C10orf90: variants seen among roughly 807,000 people sequenced by gnomAD.
C10orf90 encodes (E2-independent) E3 ubiquitin-conjugating enzyme FATS.
C10orf90 carries 56 observed loss-of-function variants against 62.5 expected under a neutral mutation model. That is an observed-to-expected ratio of 0.90 (90% CI 0.72 to 1.12). C10orf90 has a LOEUF of 1.12. Ranked by LOEUF, C10orf90 falls within the 50% of genes most tolerant of loss-of-function variation. The pLI is 0.00. For missense variants in C10orf90, 970 were observed against 880.4 expected (o/e 1.10, Z -1.29); for synonymous variants, 386 against 340.4 (o/e 1.13, Z -1.47).
intron 2 of C10orf90, among the ~76,000 whole-genome samples, chr10:126,643,647 C>G (rs1021213248): frequency 4.6e-5 from 7 of 152,184 alleles, no homozygotes; most frequent in Non-Finnish European, 5.9e-5. Flanking sequence ...AACCTTGGTT[C>G]CTGTCTTTCT....
At chr10:126,467,081 T>C (rs1005746414) in intron 4 of C10orf90, among the ~76,000 whole-genome samples, 2 of 152,230 alleles carry the variant, frequency 1.3e-5, no homozygotes, top group Admixed American at 1.3e-4. Context: ...TTTAAATTAA[T>C]GTATTTATTT....
At chr10:126,528,184 T>C (rs1366274678) in intron 2 of C10orf90, among the ~76,000 whole-genome samples, 1 of 151,988 alleles carries the variant, frequency 6.6e-6, no homozygotes, top group African/African-American at 2.4e-5. Flanking sequence ...GAGAGGTGCC[T>C]GAGAAGCCAT....
intron 3 of C10orf90, among the ~76,000 whole-genome samples, chr10:126,513,403 T>C (rs1863250886): frequency 6.6e-6 from 1 of 152,240 alleles, no homozygotes; most frequent in East Asian, 1.9e-4. Context: ...TTAACCACTG[T>C]GCACCAAGCT....
At chr10:126,651,678 A>G (rs1017130748) in intron 1 of C10orf90, among the ~76,000 whole-genome samples, 1 of 152,176 alleles carries the variant, frequency 6.6e-6, no homozygotes, top group African/African-American at 2.4e-5. Flanking sequence ...CCCAGAGTCT[A>G]TACAGAACAC....
At chr10:126,542,488 G>A (rs977636299) in intron 2 of C10orf90, among the ~76,000 whole-genome samples, 1 of 152,066 alleles carries the variant, frequency 6.6e-6, no homozygotes, top group Non-Finnish European at 1.5e-5. Context: ...GGGCGACAGA[G>A]CGAGACTCTG....
intron 2 of C10orf90, among the ~76,000 whole-genome samples, chr10:126,613,077 C>T (rs1005411529): frequency 1.3e-5 from 2 of 152,042 alleles, no homozygotes; most frequent in Admixed American, 1.3e-4. Flanking sequence ...TTCATTTATA[C>T]CTTGAAAGGG....
intron 2 of C10orf90, among the ~76,000 whole-genome samples, chr10:126,595,168 T>C (rs1160366799): frequency 1.3e-5 from 2 of 152,198 alleles, no homozygotes; most frequent in Non-Finnish European, 2.9e-5. Flanking sequence ...GTGCAACCAC[T>C]TGCACTTAAC....
intron 1 of C10orf90, among the ~76,000 whole-genome samples, chr10:126,646,906 A>G (rs1846183116): frequency 6.6e-6 from 1 of 152,134 alleles, no homozygotes; most frequent in African/African-American, 2.4e-5. Context: ...GCCAACATTG[A>G]TTTTGCCGTG....
intron 1 of C10orf90, among the ~76,000 whole-genome samples, chr10:126,668,482 T>G (rs2133881964): frequency 6.6e-6 from 1 of 152,298 alleles, no homozygotes; most frequent in Non-Finnish European, 1.5e-5. Flanking sequence ...CTTCCTAAAT[T>G]TCCTAATCTA....
intron 1 of C10orf90, among the ~76,000 whole-genome samples, chr10:126,653,988 C>G (rs1460563960): frequency 1.3e-5 from 2 of 152,004 alleles, no homozygotes; most frequent in African/African-American, 4.8e-5. Context: ...TTCTAAGCAG[C>G]AGGTCTTAAC....
intron 3 of C10orf90, among the ~76,000 whole-genome samples, chr10:126,512,418 G>A (rs1432419121): frequency 2.0e-5 from 3 of 147,846 alleles, no homozygotes; most frequent in Non-Finnish European, 4.4e-5. Context: ...GTGTCTGTGT[G>A]TGTGTGTGTG....
At chr10:126,660,450 G>T (rs79608098) in intron 1 of C10orf90, among the ~76,000 whole-genome samples, 25,089 of 152,202 alleles carry the variant, frequency 0.16, 2,241 homozygotes, top group South Asian at 0.23. Flanking sequence ...CCTCAGACAG[G>T]GACCTGAAGC....
intron 2 of C10orf90, among the ~76,000 whole-genome samples, chr10:126,605,686 T>C (rs78030569): frequency 0.023 from 3,442 of 152,010 alleles, 135 homozygotes; most frequent in African/African-American, 0.076. Flanking sequence ...CACTGAGAGA[T>C]GGAGCCTGCC....
chr10:126,565,249 ATTAT>A (rs1844336039), intron 2 of C10orf90, among the ~76,000 whole-genome samples: 1 of 27,390 alleles, frequency 3.7e-5, no homozygotes, highest in African/African-American at 1.1e-4. Flanking sequence ...TATAATATTT[ATTAT>A]ATTATATATT....
chr10:126,594,153 T>C (rs541864854), intron 2 of C10orf90, among the ~76,000 whole-genome samples: 1 of 150,930 alleles, frequency 6.6e-6, no homozygotes, highest in South Asian at 2.1e-4. Context: ...AATCTCTATG[T>C]GCTAAAGTGA....
At chr10:126,529,013 G>A (rs1034520802) in intron 2 of C10orf90, among the ~76,000 whole-genome samples, 1 of 152,098 alleles carries the variant, frequency 6.6e-6, no homozygotes, top group Non-Finnish European at 1.5e-5. Context: ...ACAAAAACAG[G>A]CTAGTGGAAA....
chr10:126,504,005 G>A lies in C10orf90; in HGVS notation c.1486C>T (p.His496Tyr), dbSNP rs377578102. 1.6e-5 allele frequency: 26 copies of A among 1,613,620 alleles called. No homozygotes were observed. The highest frequency in any genetic ancestry group is 2.2e-5 in the Non-Finnish European group (26 of 1,180,020). Residue 496 changes from histidine to tyrosine, a missense_variant, in exon 4 of 10, where the codon CAT becomes TAT. His to Tyr is a moderately conservative substitution (Grantham distance 83, BLOSUM62 2). Transcript: ENST00000488181. The surrounding 1 kb of genome is among the most constrained non-coding windows in gnomAD (Gnocchi z 4.1). ...ATGTGAATGGACAGTTGGTTGGCATGATCGCTGGCGTGACAATGAGTTGTA... is the reference window on the plus strand; with the variant it reads ...ATGTGAATGGACAGTTGGTTGGCATAATCGCTGGCGTGACAATGAGTTGTA... ...DHTTHCHASD[H>Y]ANQLSIHIPG...
rs369510021 is a variant in C10orf90, at chr10:126,634,295, TA to T, written c.313+12269del. Reference sequence around the variant, plus strand: ...GCACAAAACAATACTATTCAGTTTATAAAAAGAAGGAAATCCCGTTACAACA... The same window carrying T: ...GCACAAAACAATACTATTCAGTTTATAAAAGAAGGAAATCCCGTTACAACA... On this transcript the variant is annotated intron_variant, in intron 2 of 9. Coordinates refer to ENST00000488181, the MANE Select transcript of C10orf90 (RefSeq NM_001350921.2). Among the ~76,000 whole-genome samples the T allele has an allele frequency of 3.3e-3, 509 of 152,236 alleles. 3 individuals carry two copies. Among genetic ancestry groups the T allele is most frequent in the African/African-American group, 0.012 (497 of 41,542 alleles).
chr10:126,655,731 GA>G (rs1249346208), intron 1 of C10orf90, among the ~76,000 whole-genome samples: 9 of 151,178 alleles, frequency 6.0e-5, no homozygotes, highest in Non-Finnish European at 1.3e-4. Flanking sequence ...TCTGACTTTG[GA>G]ACACCTCAGA....
Sources: allele counts gnomAD v4.1 joint callset (sites outside exome capture counted in the v4.1 genomes callset), GRCh38; gene constraint gnomAD v4.1.1; non-coding constraint Gnocchi (gnomAD v3.1); transcripts MANE v1.5; gene names NCBI Gene and HGNC (gene_info 2026-07-23, HGNC 2026-07-21).